Variants in GDPD4 observed in about 807,000 individuals in gnomAD.
The protein encoded by GDPD4 is glycerophosphodiester phosphodiesterase domain containing 4, also known as glycerophosphodiester phosphodiesterase 6.
A neutral mutation model predicts 67.8 loss-of-function variants in GDPD4; 60 were observed. The observed-to-expected ratio is 0.88, with a 90% CI of 0.72 to 1.10. GDPD4 has a LOEUF of 1.10. GDPD4 is among the 50% of genes least tolerant of loss of function. The pLI, the probability that GDPD4 is intolerant of heterozygous loss-of-function variation, is 0.00. For missense variants in GDPD4, 623 were observed against 613.9 expected (o/e 1.01, Z -0.16); for synonymous variants, 212 against 210.9 (o/e 1.00, Z -0.04).
At chr11:77,256,418 G>A (rs1376355504) in intron 11 of GDPD4, among the ~76,000 whole-genome samples, 1 of 152,110 alleles carries the variant, frequency 6.6e-6, no homozygotes, top group Non-Finnish European at 1.5e-5. Context: ...AAATAGCATG[G>A]ATAGACTATG....
At position 77,285,197 on chromosome 11, in the gene GDPD4, G is replaced by A; in HGVS notation, c.-50-10C>T. 2 of 1,340,226 alleles carry A rather than the reference G, an allele frequency of 1.5e-6. No homozygotes were observed. The highest frequency in any genetic ancestry group is 1.2e-5 in the South Asian group (1 of 82,214). The allele number at this position is 1,340,226 out of a possible 1,614,324, so 83.0% of individuals were successfully genotyped here. On this transcript the variant is annotated splice_polypyrimidine_tract_variant and intron_variant, in intron 2 of 16. Coordinates refer to ENST00000315938, the MANE Select transcript of GDPD4 (RefSeq NM_182833.3). ...AAAATAATTGCTCTTTCTGGGAAAAGAAAAAAGAAATCTAACTTAGCTCCA... is the reference window on the plus strand; with the variant it reads ...AAAATAATTGCTCTTTCTGGGAAAAAAAAAAAGAAATCTAACTTAGCTCCA...
Position 77,233,092 on chromosome 11 carries a change from C to T in GDPD4, c.1322G>A (p.Arg441Lys), listed in dbSNP as rs370654020. ...PWLFSLAWCS[R>K]INSVTTDNIG... is the part of the protein sequence containing the mutation. ...GTTGTCTGTGGTCACTGAGTTAATCCTGGAGCACCAGGCCAGTGAGAAAAG... is the reference window on the plus strand; with the variant it reads ...GTTGTCTGTGGTCACTGAGTTAATCTTGGAGCACCAGGCCAGTGAGAAAAG... Residue 441 changes from arginine to lysine, a missense_variant, in exon 14 of 17, where the codon AGG becomes AAG. By Grantham distance (26) the Arg-to-Lys change is conservative. Coordinates refer to ENST00000315938, the MANE Select transcript of GDPD4 (RefSeq NM_182833.3). 1 of 1,614,022 alleles carries T rather than the reference C, an allele frequency of 6.2e-7. No homozygotes were observed. Among genetic ancestry groups the T allele is most frequent in the African/African-American group, 1.3e-5 (1 of 75,036 alleles).
Position 77,217,278 on chromosome 11 carries a change from T to C in GDPD4, c.1562A>G (p.Ter521TrpextTer64). 6.2e-7 allele frequency: 1 copy of C among 1,606,464 alleles called. No homozygotes were observed. The highest frequency in any genetic ancestry group is 1.1e-5 in the South Asian group (1 of 90,918). The change falls in exon 17 of 17, where the codon TAG becomes TGG. Residue 521 changes from the stop codon to tryptophan (W), a stop_lost. Coordinates refer to ENST00000315938, the MANE Select transcript of GDPD4 (RefSeq NM_182833.3). The part of the protein sequence containing the change: ...QSGSKNEEDR[*>W] ...ATGGCTATGTGCAAATCTATCTATC[T>C]ATCTATCTTCCTCATTCTTACTTCC...
Position 77,235,009 on chromosome 11 carries a change from G to GTTTTTTTTTTTTTTTTTTTTTTTT in GDPD4, c.1242-1861_1242-1838dup, listed in dbSNP as rs57989259. 8.0e-4 allele frequency among the ~76,000 whole-genome samples: 42 copies of GTTTTTTTTTTTTTTTTTTTTTTTT among 52,262 alleles called. 9 individuals carry two copies. Among genetic ancestry groups the GTTTTTTTTTTTTTTTTTTTTTTTT allele is most frequent in the Non-Finnish European group, 1.2e-3 (33 of 27,084 alleles). 34.3% of individuals were successfully genotyped at this position (52,262 alleles called of 152,430 possible). A position where few individuals can be genotyped will look rare whatever the true frequency, so the allele number is the denominator to read the frequency against. On this transcript the variant is annotated intron_variant, in intron 13 of 16. Coordinates refer to ENST00000315938, the MANE Select transcript of GDPD4 (RefSeq NM_182833.3). ...TCTCTCTGCAACCTTGTCAATATCT[G>GTTTTTTTTTTTTTTTTTTTTTTTT]TTTTTTTTTTTTTTTTTTTTTTTTT...
chr11:77,276,097 G>A, intron 5 of GDPD4, 64 bp downstream of exon 5: 2 of 1,179,722 alleles, frequency 1.7e-6, no homozygotes, highest in Middle Eastern at 1.9e-4. Flanking sequence ...CAAGGAGCAT[G>A]TTCAGGCCTG....
chr11:77,233,027 T>C lies in GDPD4; in HGVS notation c.1387A>G (p.Met463Val), dbSNP rs749738554. The part of the protein sequence containing the change: ...LSQLDHPHFF[M>V]TPKFYVFMWL... ...AACAATCTGGACAACCAGCTCACCATGAAGAAGTGAGGGTGATCAAGCTGA... is the reference window on the plus strand; with the variant it reads ...AACAATCTGGACAACCAGCTCACCACGAAGAAGTGAGGGTGATCAAGCTGA... Residue 463 changes from methionine (M) to valine (V), a missense_variant and splice_region_variant, in exon 14 of 17, where the codon ATG becomes GTG. Physicochemically the swap from Met to Val is conservative, Grantham distance 21. Coordinates refer to ENST00000315938, the MANE Select transcript of GDPD4 (RefSeq NM_182833.3). 4 of 1,613,704 alleles carry C rather than the reference T, an allele frequency of 2.5e-6. No homozygotes were observed. The African/African-American group carries it at 4.0e-5, about 16-fold the overall frequency.
intron 10 of GDPD4, among the ~76,000 whole-genome samples, chr11:77,266,335 CACAAT>C (rs1235412248): frequency 6.6e-6 from 1 of 152,084 alleles, no homozygotes; most frequent in African/African-American, 2.4e-5. Context: ...AATATTGTAG[CACAAT>C]ACATTACTCG....
intron 8 of GDPD4, among the ~76,000 whole-genome samples, chr11:77,269,641 G>C (rs1167977502): frequency 6.6e-6 from 1 of 152,088 alleles, no homozygotes; most frequent in Non-Finnish European, 1.5e-5. Context: ...TGTTATGACA[G>C]TGTTGACTCA....
intron 10 of GDPD4, among the ~76,000 whole-genome samples, chr11:77,263,877 G>A (rs967702427): frequency 6.6e-6 from 1 of 152,072 alleles, no homozygotes. Flanking sequence ...AAAGTTAGGC[G>A]GAGACTGCAT....
At chr11:77,260,487 C>G (rs573865521) in intron 10 of GDPD4, among the ~76,000 whole-genome samples, 1 of 152,102 alleles carries the variant, frequency 6.6e-6, no homozygotes, top group African/African-American at 2.4e-5. Context: ...AGATATAGCA[C>G]CCAACAATGT....
Position 77,233,074 on chromosome 11 carries a change from G to A in GDPD4, c.1340C>T (p.Thr447Ile). 1 of 1,614,048 alleles carries A rather than the reference G, an allele frequency of 6.2e-7. No homozygotes were observed. The change falls in exon 14 of 17, where the codon ACA becomes ATA. Residue 447 changes from threonine (T) to isoleucine (I), a missense_variant. Transcript: ENST00000315938. ...AWCSRINSVT[T>I]DNIGLLSQLD... The stretch of plus-strand genomic sequence containing the variant: ...CTGACTCAGGAGCCCAATGTTGTCT[G>A]TGGTCACTGAGTTAATCCTGGAGCA...
At chr11:77,278,922 GAAAGACTGATTT>G (rs1421761267) in intron 4 of GDPD4, among the ~76,000 whole-genome samples, 3 of 152,180 alleles carry the variant, frequency 2.0e-5, no homozygotes, top group Non-Finnish European at 4.4e-5. Flanking sequence ...TTAAGACCCA[GAAAGACTGATTT>G]TCAGAAGATG....
chr11:77,274,157 G>T (rs60791890), intron 5 of GDPD4, among the ~76,000 whole-genome samples: 2,624 of 152,252 alleles, frequency 0.017, 81 homozygotes, highest in African/African-American at 0.059. Flanking sequence ...ACAGATGTTG[G>T]ATATCAATAA....
chr11:77,254,118 C>T (rs146039094), intron 11 of GDPD4, among the ~76,000 whole-genome samples: 174 of 152,280 alleles, frequency 1.1e-3, no homozygotes, highest in African/African-American at 4.1e-3. Context: ...GCCATGTAGG[C>T]CACGGGGCAG....
chr11:77,254,382 G>T (rs907017287), intron 11 of GDPD4, among the ~76,000 whole-genome samples: 1 of 152,166 alleles, frequency 6.6e-6, no homozygotes, highest in African/African-American at 2.4e-5. Flanking sequence ...GGTCTCCTGA[G>T]TTTCTGTGCT....
intron 1 of GDPD4, among the ~76,000 whole-genome samples, chr11:77,293,709 C>G (rs1937857389): frequency 6.6e-6 from 1 of 152,100 alleles, no homozygotes. Context: ...GACAAAAACC[C>G]TCAGCACACT....
chr11:77,291,632 A>T (rs1401311918), intron 1 of GDPD4, among the ~76,000 whole-genome samples: 1 of 152,238 alleles, frequency 6.6e-6, no homozygotes, highest in Non-Finnish European at 1.5e-5. Context: ...TATACAATAA[A>T]TAAGTACAAA....
At chr11:77,297,121 G>A (rs1937999054) in intron 1 of GDPD4, among the ~76,000 whole-genome samples, 1 of 151,474 alleles carries the variant, frequency 6.6e-6, no homozygotes. Flanking sequence ...CAGGTAAAAT[G>A]TATGGTGTCT....
At chr11:77,229,954 C>G (rs756203305) in intron 14 of GDPD4, among the ~76,000 whole-genome samples, 2 of 152,128 alleles carry the variant, frequency 1.3e-5, no homozygotes, top group African/African-American at 2.4e-5. Context: ...AGGGCTGGCA[C>G]ATTTTATCCT....
Sources: gnomAD v4.1 joint callset for allele counts (sites outside exome capture counted in the v4.1 genomes callset) on GRCh38, gnomAD v4.1.1 for gene constraint, MANE v1.5 for transcripts, NCBI Gene and HGNC (gene_info 2026-07-23, HGNC 2026-07-21) for gene names.